Variants in ZNF638 observed in about 807,000 individuals in gnomAD.
ZNF638 encodes the protein CTCL tumor antigen se33-1.
Under a neutral mutation model 195.6 loss-of-function variants are expected in ZNF638, and 46 were observed. The ratio of observed to expected loss-of-function variants is 0.24; its 90% CI spans 0.19 to 0.30. ZNF638 has a LOEUF of 0.30. Ranked by LOEUF, ZNF638 falls within the 10% of genes least tolerant of loss-of-function variation. The pLI is 1.00. For synonymous variants in ZNF638, 845 were observed against 772.0 expected, an observed-to-expected ratio of 1.09 and a Z score of -1.57; for missense variants, 2,440 against 2,325.3, an observed-to-expected ratio of 1.05 and a Z score of -1.01.
rs146671225 is a variant in ZNF638 at position 71,364,275 on chromosome 2, G to A, written c.1717+23G>A. 912 of 1,579,570 alleles carry A rather than the reference G, an allele frequency of 5.8e-4. 4 individuals carry two copies. The African/African-American group carries it at 0.01, about 18-fold the overall frequency. On this transcript the variant is annotated intron_variant, in intron 5 of 27. Transcript: ENST00000264447. ...CAGGTACACTGATGGCCATGAAATA[G>A]TGAATGTACTTATTTTGACTAAATT...
At chr2:71,356,653 G>GGTA (rs2079028035) in intron 3 of ZNF638, among the ~76,000 whole-genome samples, 1 of 152,064 alleles carries the variant, frequency 6.6e-6, no homozygotes, top group East Asian at 1.9e-4. Flanking sequence ...AGCCAGGCAT[G>GGTA]GTAGTACACA....
In ZNF638 at chr2:71,358,523, C is replaced by G. The variant is rs190787139; in HGVS notation, c.1379+2743C>G. ...ACTGCAACTGGATATATCCTTCGAT[C>G]TGGCATCCTCTGGGTCAGTTTCCAC... On this transcript the variant is annotated intron_variant, in intron 3 of 27. Coordinates refer to ENST00000264447, the MANE Select transcript of ZNF638 (RefSeq NM_014497.5). Among the ~76,000 whole-genome samples, 22 of 152,330 alleles carry G rather than the reference C, an allele frequency of 1.4e-4. No individual in the cohort carries two copies. In the East Asian group the frequency reaches 4.2e-3, roughly 29 times the overall value.
At chr2:71,431,303 C>T (rs181658646) in intron 25 of ZNF638, 24 bp from the exon 26 acceptor site, 25 of 1,587,858 alleles carry the variant, frequency 1.6e-5, no homozygotes, top group Admixed American at 3.4e-5. Flanking sequence ...TTCTGAATAG[C>T]TTTTTTTCCT....
At chr2:71,393,379 T>G (rs1389269437) in intron 10 of ZNF638, 15 of 717,484 alleles carry the variant, frequency 2.1e-5, no homozygotes, top group Non-Finnish European at 3.9e-5. Context: ...ATGCTTGTGT[T>G]CACACCCCCC....
At chr2:71,348,117 G>A (rs1312558858) in intron 1 of ZNF638, among the ~76,000 whole-genome samples, 2 of 152,218 alleles carry the variant, frequency 1.3e-5, no homozygotes, top group African/African-American at 4.8e-5. Context: ...GTTTTGTTAT[G>A]TATTATGTTC....
At chr2:71,381,544 A>G (rs974029300) in intron 10 of ZNF638, among the ~76,000 whole-genome samples, 1 of 152,086 alleles carries the variant, frequency 6.6e-6, no homozygotes. Context: ...CACAACAACA[A>G]AGGTAACAAA....
intron 19 of ZNF638, 130 bp downstream of exon 19, chr2:71,406,392 T>C: frequency 1.3e-6 from 1 of 779,866 alleles, no homozygotes; most frequent in Non-Finnish European, 2.0e-6. Context: ...AGAATTATTA[T>C]AAACCAGAAT....
intron 21 of ZNF638, among the ~76,000 whole-genome samples, chr2:71,422,295 A>G (rs2080448755): frequency 1.3e-5 from 2 of 152,074 alleles, no homozygotes; most frequent in Non-Finnish European, 2.9e-5. Context: ...AATATTTTAC[A>G]TCCAAAAAAA....
chr2:71,369,576 A>C (rs947734397), intron 7 of ZNF638, among the ~76,000 whole-genome samples: 4 of 152,164 alleles, frequency 2.6e-5, no homozygotes, highest in African/African-American at 9.7e-5. Flanking sequence ...AAGCTGGACC[A>C]TATCTTCCCT....
Position 71,379,928 on chromosome 2 carries a change from GA to G in ZNF638, c.2266-286del, listed in dbSNP as rs1187405262. The G allele has an allele frequency of 6.2e-5, 11 of 178,092 alleles. No individual in the cohort carries two copies. In the South Asian group the frequency reaches 7.8e-4, roughly 13 times the overall value. The allele number at this position is 178,092 out of a possible 1,614,324, so 11.0% of individuals were successfully genotyped here. Reference sequence around the variant, plus strand: ...AAATTAAACTTTCATGTATATACAGGAAAAAAAACATAGTATATATAGGGTT... The same window carrying G: ...AAATTAAACTTTCATGTATATACAGGAAAAAAACATAGTATATATAGGGTT... On this transcript the variant is annotated intron_variant, in intron 8 of 27. Coordinates refer to ENST00000264447, the MANE Select transcript of ZNF638 (RefSeq NM_014497.5).
At position 71,428,688 on chromosome 2, in the gene ZNF638, A is replaced by G. The variant is rs755770698; in HGVS notation, c.5650+37A>G. The G allele has an allele frequency of 1.0e-5, 16 of 1,536,614 alleles. No homozygotes were observed. The Admixed American group carries it at 1.7e-4, about 16-fold the overall frequency. On this transcript the variant is annotated intron_variant, in intron 25 of 27. Transcript: ENST00000264447. ...TTGTTGGAATGGGAAGGAAAGTTACACAACACAGGAGAGTAGTTGAAGTTT... is the reference window on the plus strand; with the variant it reads ...TTGTTGGAATGGGAAGGAAAGTTACGCAACACAGGAGAGTAGTTGAAGTTT...
chr2:71,399,646 G>T lies in ZNF638; in HGVS notation c.2587+1G>T. 6.2e-7 allele frequency: 1 copy of T among 1,605,472 alleles called. No homozygotes were observed. The highest frequency in any genetic ancestry group is 8.5e-7 in the Non-Finnish European group (1 of 1,176,376). Reference sequence around the variant, plus strand: ...TCTAACAAACCTGTGACTATACCAGGTAAGCTTGAAATGTGGTCATTCAGT... The same window carrying T: ...TCTAACAAACCTGTGACTATACCAGTTAAGCTTGAAATGTGGTCATTCAGT... On this transcript the variant is annotated splice_donor_variant, in intron 13 of 27. Transcript: ENST00000264447. LOFTEE classifies it high-confidence loss of function.
chr2:71,370,067 A>C, intron 8 of ZNF638, 62 bp downstream of exon 8: 1 of 1,543,016 alleles, frequency 6.5e-7, no homozygotes, highest in Non-Finnish European at 8.8e-7. Flanking sequence ...TTTTTTGTTT[A>C]AGTATGGCAC....
In ZNF638 at chr2:71,400,147, G is replaced by A; in HGVS notation, c.2623G>A (p.Ala875Thr). 3 of 1,609,418 alleles carry A rather than the reference G, an allele frequency of 1.9e-6. No homozygotes were observed. Among genetic ancestry groups the A allele is most frequent in the South Asian group, 1.1e-5 (1 of 90,000 alleles). The change falls in exon 14 of 28, where the codon GCC becomes ACC. Residue 875 changes from alanine to threonine, a missense_variant. Around this residue, in one of 5 missense-constraint regions of ZNF638, gnomAD observed 1,883 missense variants for 1,739.1 expected, o/e 1.08. Coordinates refer to ENST00000264447, the MANE Select transcript of ZNF638 (RefSeq NM_014497.5). ...SEIKTSIEVK[A>T]TENCAKEAIS... ...AATAAAGACCAGTATTGAAGTCAAA[G>A]CCACTGAAAACTGTGCTAAAGAAGC...
rs368545174 is a variant in ZNF638 at position 71,399,676 on chromosome 2, T to C, written c.2587+31T>C. On this transcript the variant is annotated intron_variant, in intron 13 of 27. Coordinates refer to ENST00000264447, the MANE Select transcript of ZNF638 (RefSeq NM_014497.5). ...CTTGAAATGTGGTCATTCAGTGCTT[T>C]GTTTTCTTTTCTTTTTTTTAACTTT... 93 of 1,553,708 alleles carry C rather than the reference T, an allele frequency of 6.0e-5. 2 individuals carry two copies. In the Middle Eastern group the frequency reaches 1.4e-3, roughly 23 times the overall value.
intron 1 of ZNF638, among the ~76,000 whole-genome samples, chr2:71,346,475 T>A (rs971992638): frequency 6.6e-6 from 1 of 152,198 alleles, no homozygotes; most frequent in African/African-American, 2.4e-5. Flanking sequence ...AGCCTGTGTA[T>A]TTGATGTGTT....
intron 21 of ZNF638, among the ~76,000 whole-genome samples, chr2:71,419,526 C>T (rs10191042): frequency 0.1 from 15,204 of 152,124 alleles, 846 homozygotes; most frequent in South Asian, 0.13. Context: ...TTTTAGTTGA[C>T]AAAGATGATG....
intron 2 of ZNF638, among the ~76,000 whole-genome samples, chr2:71,355,353 C>T (rs961407248): frequency 2.6e-5 from 4 of 152,140 alleles, no homozygotes; most frequent in Non-Finnish European, 5.9e-5. Flanking sequence ...TACCGTTTTA[C>T]TTATAGATTT....
Position 71,350,126 on chromosome 2 carries a change from C to T in ZNF638, c.1172C>T (p.Ser391Phe). The T allele has an allele frequency of 1.2e-6, 2 of 1,614,032 alleles. No individual in the cohort carries two copies. Among genetic ancestry groups the T allele is most frequent in the Non-Finnish European group, 1.7e-6 (2 of 1,180,016 alleles). ...IRSPFGIVKA[S>F]WLPKFSHADA... is the part of the protein sequence containing the mutation. ...TCTCCCTTTGGTATTGTGAAAGCAT[C>T]CTGGCTACCAAAGTTTTCACATGCT... The change falls in exon 2 of 28, where the codon TCC (serine) becomes TTC (phenylalanine). Residue 391 changes from serine (S) to phenylalanine (F), a missense_variant. Ser to Phe is a radical substitution (Grantham distance 155). This residue lies in a region of ZNF638 where 305 missense variants were observed against 283.6 expected (regional missense o/e 1.08). Transcript: ENST00000264447.
Sources: allele counts gnomAD v4.1 joint callset (sites outside exome capture counted in the v4.1 genomes callset), GRCh38; gene constraint gnomAD v4.1.1; regional missense constraint gnomAD v4.1.1; transcripts MANE v1.5; gene names NCBI Gene and HGNC (gene_info 2026-07-23, HGNC 2026-07-21).